CCDC171: variants seen among roughly 807,000 people sequenced by gnomAD.
CCDC171 encodes coiled-coil domain containing 171.
Under a neutral mutation model 168.2 loss-of-function variants are expected in CCDC171, and 177 were observed. That is an observed-to-expected ratio of 1.05 (90% CI 0.93 to 1.19). The LOEUF (loss-of-function observed/expected upper bound fraction) is 1.19, where lower values mean the gene tolerates loss of function less well. Among genes scored for constraint, CCDC171 ranks in the 50% most tolerant of loss-of-function variants. The pLI, the probability that CCDC171 is intolerant of heterozygous loss-of-function variation, is 0.00. For missense variants in CCDC171, 1,991 were observed against 1,539.0 expected (o/e 1.29, Z -4.91); for synonymous variants, 687 against 540.8 (o/e 1.27, Z -3.75).
chr9:16,046,342 CA>C (rs1299640900), intron 1 of CCDC171, among the ~76,000 whole-genome samples: 1 of 152,108 alleles, frequency 6.6e-6, no homozygotes, highest in South Asian at 2.1e-4. Context: ...TTTTGAGGCC[CA>C]AACCAGAGAC....
intron 25 of CCDC171, among the ~76,000 whole-genome samples, chr9:15,966,104 A>G (rs1830763233): frequency 6.6e-6 from 1 of 152,206 alleles, no homozygotes; most frequent in Non-Finnish European, 1.5e-5. Context: ...ATAGTTTTAT[A>G]GCGGAAATAT....
intron 1 of CCDC171, among the ~76,000 whole-genome samples, chr9:16,046,269 A>C (rs997371911): frequency 1.3e-5 from 2 of 151,846 alleles, no homozygotes; most frequent in Non-Finnish European, 2.9e-5. Context: ...TGGGGTCCGG[A>C]GTGTGGGAAC....
At chr9:15,761,998 A>G (rs894528554) in intron 18 of CCDC171, among the ~76,000 whole-genome samples, 3 of 152,160 alleles carry the variant, frequency 2.0e-5, no homozygotes, top group Non-Finnish European at 2.9e-5. Flanking sequence ...GTTCACAACT[A>G]TGCAAAATCT....
intron 9 of CCDC171, among the ~76,000 whole-genome samples, chr9:15,668,032 C>T (rs1031719978): frequency 6.6e-6 from 1 of 152,052 alleles, no homozygotes; most frequent in Non-Finnish European, 1.5e-5. Context: ...ATTTGAAAGG[C>T]TTTTATGTAG....
At chr9:15,898,822 A>G (rs1053231054) in intron 24 of CCDC171, among the ~76,000 whole-genome samples, 4 of 152,110 alleles carry the variant, frequency 2.6e-5, no homozygotes, top group Admixed American at 6.5e-5. Flanking sequence ...AAATGTCAAA[A>G]CCAGAAAATT....
At chr9:15,822,776 G>A (rs907852564) in intron 21 of CCDC171, among the ~76,000 whole-genome samples, 1 of 152,140 alleles carries the variant, frequency 6.6e-6, no homozygotes, top group African/African-American at 2.4e-5. Context: ...AGTCAGTGTG[G>A]TGATTCCTCA....
intron 16 of CCDC171, among the ~76,000 whole-genome samples, chr9:15,744,014 A>G (rs1484548444): frequency 6.6e-6 from 1 of 152,194 alleles, no homozygotes; most frequent in Non-Finnish European, 1.5e-5. Context: ...TATATGAAAT[A>G]GTCTTAAATT....
At chr9:16,006,054 G>T (rs2132965922) in intron 3 of CCDC171, among the ~76,000 whole-genome samples, 1 of 152,162 alleles carries the variant, frequency 6.6e-6, no homozygotes, top group East Asian at 1.9e-4. Context: ...TAGAGATGGG[G>T]TTTCACCATT....
intron 25 of CCDC171, among the ~76,000 whole-genome samples, chr9:15,924,440 CA>C (rs34003715): frequency 2.0e-3 from 283 of 140,306 alleles, no homozygotes; most frequent in Middle Eastern, 3.9e-3. Context: ...CACACTTAGT[CA>C]AAAAAAAAAA....
chr9:15,963,220 T>C lies in CCDC171; in HGVS notation c.3754-8389T>C, dbSNP rs143475462. ...CAGGGAGGGATAGCATTAGGAGATA[T>C]ACCTAATGTTAAATGATGGGTTACT... On this transcript the variant is annotated intron_variant, in intron 25 of 25. Transcript: ENST00000380701. 6.0e-3 allele frequency among the ~76,000 whole-genome samples: 914 copies of C among 152,198 alleles called. 14 individuals are homozygous for C. Among genetic ancestry groups the C allele is most frequent in the African/African-American group, 0.021 (861 of 41,504 alleles).
intron 23 of CCDC171, among the ~76,000 whole-genome samples, chr9:15,873,634 T>G (rs189316458): frequency 3.3e-4 from 51 of 152,250 alleles, no homozygotes; most frequent in African/African-American, 1.2e-3. Context: ...GAGAGCTTTT[T>G]GTTCTTAAAT....
chr9:15,626,967 G>T (rs537427340), intron 7 of CCDC171, among the ~76,000 whole-genome samples: 1 of 152,122 alleles, frequency 6.6e-6, no homozygotes, highest in South Asian at 2.1e-4. Context: ...TGGTTTGTAG[G>T]CTATTAATTA....
At chr9:16,085,096 A>G in the CCDC171 span, among the ~76,000 whole-genome samples, 2 of 152,174 alleles carry the variant, frequency 1.3e-5, no homozygotes, top group South Asian at 2.1e-4. Flanking sequence ...GAGGGGCCCT[A>G]CTGAACTGGA....
chr9:15,575,157 CTTTTTTTTTTTTTTTT>C (rs57272096), intron 3 of CCDC171, among the ~76,000 whole-genome samples: 1 of 86,872 alleles, frequency 1.2e-5, no homozygotes, highest in Non-Finnish European at 2.2e-5. Flanking sequence ...GACATAACTA[CTTTTTTTTTTTTTTTT>C]TTTTTTTTTT....
chr9:15,594,470 T>A (rs1477620806), intron 6 of CCDC171, among the ~76,000 whole-genome samples: 1 of 152,280 alleles, frequency 6.6e-6, no homozygotes, highest in East Asian at 1.9e-4. Context: ...CTGTTTTGAA[T>A]AGGACAAAGA....
chr9:15,610,193 C>G (rs1025097912), intron 6 of CCDC171, among the ~76,000 whole-genome samples: 5 of 151,524 alleles, frequency 3.3e-5, no homozygotes, highest in Admixed American at 2.0e-4. Flanking sequence ...TCTCCCCCCA[C>G]CCCTCCCTTG....
intron 8 of CCDC171, 37 bp from the exon 9 acceptor site, chr9:15,666,126 C>T: frequency 1.9e-6 from 3 of 1,594,164 alleles, no homozygotes; most frequent in Non-Finnish European, 2.6e-6. Flanking sequence ...GCTAGCATTT[C>T]TTAGCTTGAT....
intron 15 of CCDC171, among the ~76,000 whole-genome samples, chr9:15,728,956 C>G (rs1156960562): frequency 1.3e-5 from 2 of 151,982 alleles, no homozygotes; most frequent in Non-Finnish European, 2.9e-5. Context: ...ACAAACACAA[C>G]CATAGACACT....
At chr9:15,738,561 G>A (rs1207523741) in intron 16 of CCDC171, among the ~76,000 whole-genome samples, 1 of 152,020 alleles carries the variant, frequency 6.6e-6, no homozygotes, top group African/African-American at 2.4e-5. Context: ...TGAAAGCGAT[G>A]TTCCTTATGT....
Sources: allele counts gnomAD v4.1 joint callset (sites outside exome capture counted in the v4.1 genomes callset), GRCh38; gene constraint gnomAD v4.1.1; transcripts MANE v1.5; gene names NCBI Gene and HGNC (gene_info 2026-07-23, HGNC 2026-07-21).